SDCBP2: variants seen among roughly 807,000 people sequenced by gnomAD.
SDCBP2 encodes the protein syntenin-2.
SDCBP2 carries 28 observed loss-of-function variants against 30.7 expected under a neutral mutation model. That is an observed-to-expected ratio of 0.91 (90% CI 0.68 to 1.25). The LOEUF (loss-of-function observed/expected upper bound fraction) is 1.25. SDCBP2 is among the 50% of genes most tolerant of loss of function. SDCBP2 has a pLI of 0.00. For synonymous variants in SDCBP2, 166 were observed against 157.3 expected, an observed-to-expected ratio of 1.06 and a Z score of -0.41; for missense variants, 399 against 379.0, an observed-to-expected ratio of 1.05 and a Z score of -0.44.
intron 4 of SDCBP2, among the ~76,000 whole-genome samples, chr20:1,316,211 C>T (rs759212761): frequency 3.3e-5 from 5 of 152,144 alleles, no homozygotes; most frequent in African/African-American, 4.8e-5. Context: ...AAAGATGGTC[C>T]ACATCATCAG....
chr20:1,322,367 G>A (rs2088860771), intron 1 of SDCBP2: 1 of 152,152 alleles, frequency 6.6e-6, no homozygotes, highest in African/African-American at 2.4e-5. Context: ...GTTCCAAGAT[G>A]GCAGGAACAG....
At chr20:1,317,855 AT>A in intron 4 of SDCBP2, 1 of 321,950 alleles carries the variant, frequency 3.1e-6, no homozygotes, top group Non-Finnish European at 6.1e-6. Flanking sequence ...ACAGGTAAAT[AT>A]GTTTTCAGTG....
chr20:1,316,872 G>A (rs2146662), intron 4 of SDCBP2, among the ~76,000 whole-genome samples: 48,195 of 151,900 alleles, frequency 0.32, 8,043 homozygotes, highest in East Asian at 0.63. Flanking sequence ...AACAAACCCT[G>A]GTACATTCAC....
At position 1,319,632 on chromosome 20, in the gene SDCBP2, G is replaced by C; in HGVS notation, c.82C>G (p.Pro28Ala). 2.5e-6 allele frequency: 4 copies of C among 1,570,006 alleles called. No homozygotes were observed. Among genetic ancestry groups the C allele is most frequent in the Non-Finnish European group, 3.5e-6 (4 of 1,157,036 alleles). The change falls in exon 3 of 9, where the codon CCA (proline) becomes GCA (alanine). Residue 28 changes from proline to alanine, a missense_variant. Pro to Ala is a conservative substitution (Grantham distance 27). Coordinates refer to ENST00000360779, the MANE Select transcript of SDCBP2 (RefSeq NM_080489.5). Reference sequence around the variant, plus strand: ...GCTGTTGCCTGGACTGGCAGGGCTGGCATCTTGGGTGAGGCTCTGACCTGG... The same window carrying C: ...GCTGTTGCCTGGACTGGCAGGGCTGCCATCTTGGGTGAGGCTCTGACCTGG... ...QAQVRASPKM[P>A]ALPVQATAIS...
rs1031488241 is a variant in SDCBP2 at position 1,328,841 on chromosome 20, A to T, written c.-20+244T>A. On this transcript the variant is annotated intron_variant, in intron 1 of 8. Transcript: ENST00000360779. ...GCACAGTCATGGGCAGTCAGAAGGC[A>T]TCGGGGGCCCTCATGATGTCTGGGT... Among the ~76,000 whole-genome samples, 9 of 152,172 alleles carry T rather than the reference A, an allele frequency of 5.9e-5. No individual in the cohort carries two copies. In the South Asian group the frequency reaches 1.4e-3, roughly 25 times the overall value.
At chr20:1,311,016 C>A in intron 7 of SDCBP2, 125 bp from the exon 8 acceptor site, 1 of 669,700 alleles carries the variant, frequency 1.5e-6, no homozygotes, top group Non-Finnish European at 2.5e-6. Flanking sequence ...GACTGCAGGG[C>A]AGGGCTGCCT....
In SDCBP2 at chr20:1,313,357, G is replaced by C; in HGVS notation, c.367C>G (p.Leu123Val). 6.2e-7 allele frequency: 1 copy of C among 1,611,676 alleles called. No homozygotes were observed. Among genetic ancestry groups the C allele is most frequent in the Non-Finnish European group, 8.5e-7 (1 of 1,179,644 alleles). Residue 123 changes from leucine (L) to valine (V), a missense_variant, in exon 5 of 9, where the codon CTG becomes GTG. Leu to Val is a conservative substitution (Grantham distance 32). Transcript: ENST00000360779. This position sits in a 1 kb window ranked among gnomAD's most constrained non-coding sequence, Gnocchi z 5.2. ...KDERGKTGLR[L>V]RKVDQGLFVQ... ...CGCCCTACCTGGTCGACCTTCCGCA[G>C]CCTCAGCCCGGTCTTGCCGCGCTCG...
At position 1,310,851 on chromosome 20, in the gene SDCBP2, A is replaced by G. The variant is rs759659205; in HGVS notation, c.773T>C (p.Val258Ala). Residue 258 changes from valine to alanine, a missense_variant, in exon 8 of 9, where the codon GTT becomes GCT. Transcript: ENST00000360779. ...IMEILATAGN[V>A]VTLTIIPSVI... ...ACTGGGGATGATGGTCAGGGTGACA[A>G]CGTTCCCAGCCGTGGCCAGAATCTC... 6.2e-6 allele frequency: 10 copies of G among 1,613,938 alleles called. No homozygotes were observed. Among genetic ancestry groups the G allele is most frequent in the Non-Finnish European group, 7.6e-6 (9 of 1,179,964 alleles).
Position 1,320,308 on chromosome 20 carries a change from G to T in SDCBP2, c.54+55C>A. On this transcript the variant is annotated intron_variant, in intron 2 of 8. Transcript: ENST00000360779. This position sits in a 1 kb window ranked among gnomAD's most constrained non-coding sequence, Gnocchi z 4.7. The stretch of plus-strand genomic sequence containing the variant: ...GCCCCAGTACCCAGCACCTTCCAGG[G>T]TAATCCCCAAGGTCCCCTTCAGGGA... The T allele has an allele frequency of 6.5e-7, 1 of 1,545,968 alleles. No homozygotes were observed. Among genetic ancestry groups the T allele is most frequent in the Non-Finnish European group, 8.9e-7 (1 of 1,123,956 alleles).
At chr20:1,325,026 C>T (rs2088899380) in intron 1 of SDCBP2, among the ~76,000 whole-genome samples, 1 of 152,166 alleles carries the variant, frequency 6.6e-6, no homozygotes, top group African/African-American at 2.4e-5. Flanking sequence ...ACCCGGGGAA[C>T]CATCACCTGG....
chr20:1,319,996 A>G (rs1233624204), intron 2 of SDCBP2, among the ~76,000 whole-genome samples: 2 of 152,138 alleles, frequency 1.3e-5, no homozygotes, highest in Non-Finnish European at 2.9e-5. Flanking sequence ...GAGTGCTGGG[A>G]TGGAGGAGGA....
At chr20:1,314,934 T>A (rs2088753905) in intron 4 of SDCBP2, among the ~76,000 whole-genome samples, 1 of 152,210 alleles carries the variant, frequency 6.6e-6, no homozygotes, top group African/African-American at 2.4e-5. Flanking sequence ...TGCCACCAAA[T>A]TGATATACAG....
At chr20:1,317,790 G>A (rs1405999103) in intron 4 of SDCBP2, 2 of 245,720 alleles carry the variant, frequency 8.1e-6, no homozygotes, top group African/African-American at 2.3e-5. Flanking sequence ...ACTGACAGGT[G>A]GGACGCAGGG....
At chr20:1,314,254 C>T (rs1036831237) in intron 4 of SDCBP2, among the ~76,000 whole-genome samples, 2 of 151,888 alleles carry the variant, frequency 1.3e-5, no homozygotes, top group African/African-American at 4.8e-5. Flanking sequence ...TTTGGGAGGC[C>T]GAGGAAGATG....
Position 1,310,217 on chromosome 20 carries a change from G to C in SDCBP2, c.*224C>G, listed in dbSNP as rs943234587. On this transcript the variant is annotated 3_prime_UTR_variant, in exon 9 of 9. Coordinates refer to ENST00000360779, the MANE Select transcript of SDCBP2 (RefSeq NM_080489.5). ...GCATTTAAATCAGCACAAGAGAATC[G>C]GCTGCCTGTGGGCCCTGCCTGAGCC... The C allele has an allele frequency of 1.5e-5, 7 of 477,156 alleles. No individual in the cohort carries two copies. Among genetic ancestry groups the C allele is most frequent in the Non-Finnish European group, 2.2e-5 (6 of 266,918 alleles). The allele number at this position is 477,156 out of a possible 1,614,324, so 29.6% of individuals were successfully genotyped here.
chr20:1,311,028 G>C, intron 7 of SDCBP2, 137 bp from the exon 8 acceptor site: 1 of 609,734 alleles, frequency 1.6e-6, no homozygotes, highest in Non-Finnish European at 2.8e-6. Flanking sequence ...GGGCTGCCTC[G>C]GACCCCGAGC....
chr20:1,325,793 C>T (rs1440369593), intron 1 of SDCBP2: 1 of 152,150 alleles, frequency 6.6e-6, no homozygotes, highest in East Asian at 1.9e-4. Flanking sequence ...GTATTTCCTA[C>T]CAATTGTGAC....
chr20:1,314,657 C>T (rs1269705567), intron 4 of SDCBP2, among the ~76,000 whole-genome samples: 1 of 148,772 alleles, frequency 6.7e-6, no homozygotes, highest in African/African-American at 2.5e-5. Context: ...TTTTGGGAGA[C>T]CAAGGCCGGA....
intron 4 of SDCBP2, 29 bp downstream of exon 4, chr20:1,318,289 C>A (rs769251591): frequency 6.7e-7 from 1 of 1,488,444 alleles, no homozygotes; most frequent in South Asian, 1.1e-5. Context: ...AGGTTCTGCG[C>A]CCGCAGCAGG....
Sources: gnomAD v4.1 joint callset for allele counts (sites outside exome capture counted in the v4.1 genomes callset) on GRCh38, gnomAD v4.1.1 for gene constraint, Gnocchi (gnomAD v3.1) non-coding constraint, MANE v1.5 for transcripts, NCBI Gene and HGNC (gene_info 2026-07-23, HGNC 2026-07-21) for gene names.